ABI3BP: variants seen among roughly 807,000 people sequenced by gnomAD.
ABI3BP encodes the protein target of Nesh-SH3.
Under a neutral mutation model 268.6 loss-of-function variants are expected in ABI3BP, and 216 were observed. That is an observed-to-expected ratio of 0.80 (90% confidence interval 0.72 to 0.90). The LOEUF (loss-of-function observed/expected upper bound fraction) is 0.90. Among genes scored for constraint, ABI3BP ranks in the 40% least tolerant of loss-of-function variants. ABI3BP has a pLI of 0.00. For synonymous variants in ABI3BP, 730 were observed against 730.0 expected (o/e 1.00, Z 0.00); for missense variants, 2,090 against 2,182.4 (o/e 0.96, Z 0.84).
intron 20 of ABI3BP, among the ~76,000 whole-genome samples, chr3:100,845,003 C>A (rs779475856): frequency 1.2e-4 from 19 of 152,094 alleles, no homozygotes; most frequent in Non-Finnish European, 2.5e-4. Context: ...AATAACGCAA[C>A]CTATCATATA....
At chr3:100,984,172 C>T (rs1024771773) in intron 1 of ABI3BP, among the ~76,000 whole-genome samples, 2 of 151,490 alleles carry the variant, frequency 1.3e-5, no homozygotes, top group African/African-American at 2.4e-5. Flanking sequence ...CACCCTAGAC[C>T]AATTTAAAAT....
intron 9 of ABI3BP, among the ~76,000 whole-genome samples, chr3:100,873,343 GA>G (rs148303492): frequency 6.6e-6 from 1 of 152,036 alleles, no homozygotes; most frequent in East Asian, 1.9e-4. Flanking sequence ...CCCTAAAGAA[GA>G]AAATTGGAAA....
chr3:100,801,425 C>CAAA (rs68171311), intron 51 of ABI3BP, among the ~76,000 whole-genome samples: 26,029 of 86,968 alleles, frequency 0.3, 3,678 homozygotes, highest in African/African-American at 0.43. Flanking sequence ...GATATCCTGT[C>CAAA]AAAAAAAAAA....
At chr3:100,921,392 A>G (rs1300141209) in intron 2 of ABI3BP, among the ~76,000 whole-genome samples, 1 of 152,200 alleles carries the variant, frequency 6.6e-6, no homozygotes, top group East Asian at 1.9e-4. Flanking sequence ...TGAGTCTTTA[A>G]AGGTCAACGC....
intron 62 of ABI3BP, among the ~76,000 whole-genome samples, chr3:100,769,839 C>T (rs926180289): frequency 6.6e-5 from 10 of 152,152 alleles, no homozygotes; most frequent in South Asian, 2.1e-4. Context: ...ACTCACAAAA[C>T]GTGGTAAAGA....
intron 3 of ABI3BP, 112 bp downstream of exon 3, chr3:100,902,506 C>T (rs2153503062): frequency 1.1e-6 from 1 of 916,020 alleles, no homozygotes; most frequent in Non-Finnish European, 1.7e-6. Context: ...CTGACACCTC[C>T]TCTACATTCT....
chr3:100,778,257 G>A (rs2096765074), intron 59 of ABI3BP, 27 bp downstream of exon 59: 3 of 1,603,540 alleles, frequency 1.9e-6, no homozygotes, highest in Admixed American at 1.7e-5. Flanking sequence ...ATCATGGCGG[G>A]AAAAGGAAGG....
At chr3:100,786,596 C>T (rs1322231803) in intron 57 of ABI3BP, among the ~76,000 whole-genome samples, 2 of 152,076 alleles carry the variant, frequency 1.3e-5, no homozygotes, top group Non-Finnish European at 2.9e-5. Flanking sequence ...TTTATTTTTA[C>T]TTATGCAACT....
intron 53 of ABI3BP, 67 bp downstream of exon 53, chr3:100,795,737 T>G: frequency 1.7e-6 from 2 of 1,147,448 alleles, no homozygotes; most frequent in Non-Finnish European, 2.3e-6. Context: ...CAGGATCATT[T>G]GAGAAAGGCC....
Position 100,864,022 on chromosome 3 carries a change from TC to T in ABI3BP, c.1117del (p.Glu373AsnfsTer4). 1.3e-6 allele frequency: 2 copies of T among 1,535,718 alleles called. No homozygotes were observed. The highest frequency in any genetic ancestry group is 2.4e-5 in the South Asian group (2 of 84,052). The stretch of plus-strand genomic sequence containing the variant: ...TTTACCTAGAGTGCTCAGTGGCAAT[TC>T]AAACTGAGGTATTAGAATAGTTTGC... ...TLQTILIPQF[E>X]LPLSTLAPKS... is the part of the protein sequence containing the mutation. On this transcript the variant is annotated frameshift_variant, in exon 12 of 68. Coordinates refer to ENST00000471714, the MANE Select transcript of ABI3BP (RefSeq NM_001375547.2). LOFTEE classifies it high-confidence loss of function.
intron 4 of ABI3BP, among the ~76,000 whole-genome samples, chr3:100,890,389 T>G (rs961195685): frequency 6.6e-6 from 1 of 152,050 alleles, no homozygotes; most frequent in African/African-American, 2.4e-5. Context: ...CCCTTCATTC[T>G]CTCTTTGTCC....
intron 2 of ABI3BP, among the ~76,000 whole-genome samples, chr3:100,903,123 C>T (rs2051288864): frequency 6.6e-6 from 1 of 152,180 alleles, no homozygotes. Context: ...AAATCACTCC[C>T]TTTCATGGGA....
In ABI3BP at chr3:100,835,741, C is replaced by A. The variant is rs953682486; in HGVS notation, c.2132-81G>T. ...TTATTTTGAAAATGAATCTTCTTAA[C>A]CCTTTAATGTTTTAAATACATTTCT... On this transcript the variant is annotated intron_variant, in intron 27 of 67. Transcript: ENST00000471714. The A allele has an allele frequency of 1.2e-4, 136 of 1,142,066 alleles. 1 individual carries two copies. Among genetic ancestry groups the A allele is most frequent in the Middle Eastern group, 4.8e-4 (2 of 4,184 alleles). 70.7% of individuals were successfully genotyped at this position (1,142,066 alleles called of 1,614,324 possible). A position where few individuals can be genotyped will look rare whatever the true frequency, so the allele number is the denominator to read the frequency against.
chr3:100,907,110 C>G (rs573085881), intron 2 of ABI3BP, among the ~76,000 whole-genome samples: 1 of 152,290 alleles, frequency 6.6e-6, no homozygotes, highest in African/African-American at 2.4e-5. Flanking sequence ...CATGCTAGTA[C>G]AAGTCAAAGT....
chr3:100,865,520 C>T (rs185738670), intron 10 of ABI3BP, among the ~76,000 whole-genome samples: 34 of 152,322 alleles, frequency 2.2e-4, no homozygotes, highest in African/African-American at 7.9e-4. Context: ...AGCTCACACT[C>T]CTTCCCCACC....
chr3:100,943,489 C>T (rs1275008792), intron 1 of ABI3BP, among the ~76,000 whole-genome samples: 1 of 152,036 alleles, frequency 6.6e-6, no homozygotes, highest in East Asian at 1.9e-4. Flanking sequence ...ATCTGTGTAA[C>T]CCAAACCTTT....
intron 1 of ABI3BP, among the ~76,000 whole-genome samples, chr3:100,938,482 C>T (rs2067295639): frequency 6.6e-6 from 1 of 151,984 alleles, no homozygotes; most frequent in African/African-American, 2.4e-5. Flanking sequence ...CAGTAATTTC[C>T]CTGTGACAAT....
chr3:100,894,885 G>A lies in ABI3BP; in HGVS notation c.461+3877C>T, dbSNP rs1336456592. ...ACCCGGCAGGCGGAGCTTACAGTGA[G>A]CCGAGATCGCGCCTCTGCACTCCAG... On this transcript the variant is annotated intron_variant, in intron 4 of 67. Transcript: ENST00000471714. Among the ~76,000 whole-genome samples the A allele has an allele frequency of 3.0e-5, 4 of 132,566 alleles. No individual in the cohort carries two copies. In the South Asian group the frequency reaches 7.7e-4, roughly 25 times the overall value. The allele number at this position is 132,566 out of a possible 152,430, so 87.0% of individuals were successfully genotyped here. A position where few individuals can be genotyped will look rare whatever the true frequency, so the allele number is the denominator to read the frequency against.
At chr3:100,966,494 C>G (rs56237429) in intron 1 of ABI3BP, among the ~76,000 whole-genome samples, 21,323 of 152,174 alleles carry the variant, frequency 0.14, 1,588 homozygotes, top group Middle Eastern at 0.2. Flanking sequence ...ACTATCCAGT[C>G]TTTTACAGAA....
Sources: allele counts gnomAD v4.1 joint callset (sites outside exome capture counted in the v4.1 genomes callset), GRCh38; gene constraint gnomAD v4.1.1; transcripts MANE v1.5; gene names NCBI Gene and HGNC (gene_info 2026-07-23, HGNC 2026-07-21).